Variants in N4BP1 observed in about 807,000 individuals in gnomAD.
N4BP1 encodes NEDD4 binding protein 1, also known as NEDD4-binding protein 1.
Under a neutral mutation model 70.9 loss-of-function variants are expected in N4BP1, and 21 were observed. That is an observed-to-expected ratio of 0.30 (90% CI 0.21 to 0.43). N4BP1 has a LOEUF of 0.43. Ranked by LOEUF, N4BP1 falls within the 20% of genes least tolerant of loss-of-function variation. The pLI, the probability that N4BP1 is intolerant of heterozygous loss-of-function variation, is 1.00. For missense variants in N4BP1, 936 were observed against 1,069.4 expected (o/e 0.88, Z 1.74); for synonymous variants, 387 against 394.6 (o/e 0.98, Z 0.23).
At chr16:48,582,347 CCT>C (rs1235027032) in intron 1 of N4BP1, among the ~76,000 whole-genome samples, 3 of 152,182 alleles carry the variant, frequency 2.0e-5, no homozygotes, top group African/African-American at 7.2e-5. Flanking sequence ...TGGAATCATT[CCT>C]CTGTCTGGTA....
At chr16:48,565,172 G>A (rs1963922380) in intron 1 of N4BP1, among the ~76,000 whole-genome samples, 3 of 152,164 alleles carry the variant, frequency 2.0e-5, no homozygotes, top group Admixed American at 1.3e-4. Context: ...CCTTATTGCA[G>A]TGGCTAGAAG....
intron 6 of N4BP1, 39 bp downstream of exon 6, chr16:48,546,108 T>C (rs768942067): frequency 3.1e-5 from 41 of 1,332,224 alleles, no homozygotes; most frequent in Non-Finnish European, 4.2e-5. Context: ...AGAATTGAAA[T>C]AGAAGTTTTA....
intron 1 of N4BP1, among the ~76,000 whole-genome samples, chr16:48,581,681 AC>A (rs1263591932): frequency 6.6e-6 from 1 of 152,224 alleles, no homozygotes; most frequent in Non-Finnish European, 1.5e-5. Context: ...GAAATTGAAG[AC>A]ACAAATAAAT....
chr16:48,608,278 C>G (rs1439404892), intron 1 of N4BP1, among the ~76,000 whole-genome samples: 1 of 152,194 alleles, frequency 6.6e-6, no homozygotes, highest in Non-Finnish European at 1.5e-5. Context: ...GCTAGGATTA[C>G]AGGCGTGAGC....
chr16:48,589,712 G>T (rs1964304615), intron 1 of N4BP1, among the ~76,000 whole-genome samples: 1 of 152,168 alleles, frequency 6.6e-6, no homozygotes, highest in Non-Finnish European at 1.5e-5. Flanking sequence ...CTTTTCCCTA[G>T]ATCCCTACAA....
At position 48,576,037 on chromosome 16, in the gene N4BP1, AT is replaced by A. The variant is rs201851184; in HGVS notation, c.199-13594del. On this transcript the variant is annotated intron_variant, in intron 1 of 6. Transcript: ENST00000262384. The stretch of plus-strand genomic sequence containing the variant: ...TGCTGGATGCACACTTTAGTATGCT[AT>A]TTTTTTTTTTTAGGAGACTCTTTCA... Among the ~76,000 whole-genome samples, 971 of 145,620 alleles carry A rather than the reference AT, an allele frequency of 6.7e-3. 9 individuals are homozygous for A. Among genetic ancestry groups the A allele is most frequent in the African/African-American group, 0.017 (700 of 40,034 alleles).
At chr16:48,586,061 T>C (rs1483395023) in intron 1 of N4BP1, among the ~76,000 whole-genome samples, 1 of 152,204 alleles carries the variant, frequency 6.6e-6, no homozygotes. Context: ...TCCAAGATCA[T>C]TAATTAACTT....
At chr16:48,598,088 C>T (rs1462110977) in intron 1 of N4BP1, among the ~76,000 whole-genome samples, 2 of 152,200 alleles carry the variant, frequency 1.3e-5, no homozygotes, top group African/African-American at 4.8e-5. Flanking sequence ...GACAAAGCAA[C>T]TGATGTGCAT....
Position 48,609,755 on chromosome 16 carries a change from G to A in N4BP1, c.198+20C>T. The A allele has an allele frequency of 7.5e-7, 1 of 1,332,298 alleles. No homozygotes were observed. Among genetic ancestry groups the A allele is most frequent in the Non-Finnish European group, 9.6e-7 (1 of 1,043,842 alleles). The allele number at this position is 1,332,298 out of a possible 1,614,324, so 82.5% of individuals were successfully genotyped here. Reference sequence around the variant, plus strand: ...GACCGATCGAGGCCGCGGGCGCGCGGGGGCGGCGGCCGGACTCACCTTGGC... The same window carrying A: ...GACCGATCGAGGCCGCGGGCGCGCGAGGGCGGCGGCCGGACTCACCTTGGC... On this transcript the variant is annotated intron_variant, in intron 1 of 6. Transcript: ENST00000262384.
At chr16:48,551,276 A>G in intron 4 of N4BP1, 110 bp downstream of exon 4, 1 of 690,310 alleles carries the variant, frequency 1.4e-6, no homozygotes, top group Non-Finnish European at 2.6e-6. Flanking sequence ...TAAATATTAA[A>G]CCCACTGCAT....
At chr16:48,555,625 CAA>C (rs1293140716) in intron 2 of N4BP1, among the ~76,000 whole-genome samples, 2 of 152,044 alleles carry the variant, frequency 1.3e-5, no homozygotes, top group Non-Finnish European at 2.9e-5. Context: ...AAGAAGGTAA[CAA>C]AGTGACATTT....
chr16:48,580,762 A>G (rs1247693293), intron 1 of N4BP1, among the ~76,000 whole-genome samples: 1 of 152,176 alleles, frequency 6.6e-6, no homozygotes, highest in Non-Finnish European at 1.5e-5. Flanking sequence ...CTCAGAAAAA[A>G]AATTACATTT....
intron 2 of N4BP1, among the ~76,000 whole-genome samples, chr16:48,555,982 G>C (rs1963745898): frequency 6.6e-6 from 1 of 152,168 alleles, no homozygotes; most frequent in African/African-American, 2.4e-5. Context: ...GAACTGGATA[G>C]AGGAGGAGTA....
chr16:48,574,298 A>T (rs954978026), intron 1 of N4BP1, among the ~76,000 whole-genome samples: 1 of 152,198 alleles, frequency 6.6e-6, no homozygotes, highest in South Asian at 2.1e-4. Context: ...TGTGTCGCTG[A>T]TAGTTTTGGC....
At chr16:48,584,577 T>C (rs745945727) in intron 1 of N4BP1, among the ~76,000 whole-genome samples, 16 of 151,736 alleles carry the variant, frequency 1.1e-4, no homozygotes, top group Non-Finnish European at 1.5e-4. Context: ...AAACTAAACA[T>C]GTAATACTTT....
At chr16:48,585,213 G>A (rs368539390) in intron 1 of N4BP1, among the ~76,000 whole-genome samples, 5 of 152,116 alleles carry the variant, frequency 3.3e-5, no homozygotes, top group East Asian at 3.9e-4. Flanking sequence ...GATTACAGGC[G>A]TGAGTCACGT....
At position 48,610,005 on chromosome 16, in the gene N4BP1, G is replaced by A. The variant is rs1236461475; in HGVS notation, c.-33C>T. 40 of 1,116,022 alleles carry A rather than the reference G, an allele frequency of 3.6e-5. No individual in the cohort carries two copies. The highest frequency in any genetic ancestry group is 4.3e-5 in the South Asian group (1 of 23,258). 69.1% of individuals were successfully genotyped at this position (1,116,022 alleles called of 1,614,324 possible). On this transcript the variant is annotated 5_prime_UTR_variant, in exon 1 of 7. Coordinates refer to ENST00000262384, the MANE Select transcript of N4BP1 (RefSeq NM_153029.4). ...GCGGCCTCCCGCGGCGGCGCCGGGG[G>A]CCGGCGGCGGCGACGCCCCCTCAGC...
intron 1 of N4BP1, among the ~76,000 whole-genome samples, chr16:48,596,432 T>G (rs937739735): frequency 6.6e-6 from 1 of 152,184 alleles, no homozygotes; most frequent in African/African-American, 2.4e-5. Flanking sequence ...CTCCTCTCAC[T>G]TTGTGGTCAA....
chr16:48,566,400 T>G (rs1380706741), intron 1 of N4BP1, among the ~76,000 whole-genome samples: 1 of 152,254 alleles, frequency 6.6e-6, no homozygotes, highest in East Asian at 1.9e-4. Flanking sequence ...CAGCACCGCT[T>G]TAGTGGCATC....
Sources: gnomAD v4.1 joint callset for allele counts (sites outside exome capture counted in the v4.1 genomes callset) on GRCh38, gnomAD v4.1.1 for gene constraint, MANE v1.5 for transcripts, NCBI Gene and HGNC (gene_info 2026-07-23, HGNC 2026-07-21) for gene names.